Variants in RNGTT observed in about 807,000 individuals in gnomAD.
RNGTT encodes the protein RNA guanylyltransferase and 5'-phosphatase.
A neutral mutation model predicts 79.3 loss-of-function variants in RNGTT; 33 were observed. The ratio of observed to expected loss-of-function variants is 0.42; its 90% CI spans 0.32 to 0.56. RNGTT has a LOEUF of 0.56. RNGTT is among the 20% of genes least tolerant of loss of function. RNGTT has a pLI of 0.17. For synonymous variants in RNGTT, 222 were observed against 235.9 expected (o/e 0.94, Z 0.54); for missense variants, 497 against 739.1 (o/e 0.67, Z 3.80).
intron 4 of RNGTT, among the ~76,000 whole-genome samples, chr6:88,918,717 T>C (rs1784074510): frequency 6.6e-6 from 1 of 152,198 alleles, no homozygotes; most frequent in African/African-American, 2.4e-5. Context: ...AAAAAGTGCT[T>C]CAAAAAAGCC....
At chr6:88,677,992 T>TGGAA (rs1305122913) in intron 14 of RNGTT, 1 of 149,266 alleles carries the variant, frequency 6.7e-6, no homozygotes, top group Non-Finnish European at 1.4e-5. Flanking sequence ...TTTTTTTTTT[T>TGGAA]TTTTTTTTTT....
chr6:88,786,797 C>T (rs1231543255), intron 12 of RNGTT, among the ~76,000 whole-genome samples: 1 of 151,896 alleles, frequency 6.6e-6, no homozygotes, highest in Non-Finnish European at 1.5e-5. Context: ...TGTTTGTGTC[C>T]CTTCCAAAAC....
intron 4 of RNGTT, among the ~76,000 whole-genome samples, chr6:88,921,542 C>T (rs1191595582): frequency 1.3e-5 from 2 of 152,076 alleles, no homozygotes; most frequent in Non-Finnish European, 2.9e-5. Flanking sequence ...ACCCTTAGAA[C>T]CAGATGTTTT....
chr6:88,782,828 C>A (rs866881086), intron 12 of RNGTT, among the ~76,000 whole-genome samples: 1 of 152,116 alleles, frequency 6.6e-6, no homozygotes, highest in African/African-American at 2.4e-5. Context: ...AAATGCAAAT[C>A]AAAACCTCAA....
chr6:88,794,322 G>C (rs1344265185), intron 12 of RNGTT, among the ~76,000 whole-genome samples: 1 of 151,920 alleles, frequency 6.6e-6, no homozygotes, highest in African/African-American at 2.4e-5. Flanking sequence ...TTTTTGAAAG[G>C]AAAAAAGATA....
At chr6:88,739,903 T>G (rs1031530973) in intron 13 of RNGTT, among the ~76,000 whole-genome samples, 1 of 151,526 alleles carries the variant, frequency 6.6e-6, no homozygotes, top group Non-Finnish European at 1.5e-5. Flanking sequence ...ATTTATGGAA[T>G]AGCAGAATTA....
At chr6:88,731,856 A>T (rs1488120547) in intron 13 of RNGTT, among the ~76,000 whole-genome samples, 1 of 152,178 alleles carries the variant, frequency 6.6e-6, no homozygotes, top group Non-Finnish European at 1.5e-5. Flanking sequence ...CCTTACCAAT[A>T]ACATAATCAA....
At chr6:88,788,882 C>T (rs951042415) in intron 12 of RNGTT, among the ~76,000 whole-genome samples, 5 of 152,122 alleles carry the variant, frequency 3.3e-5, no homozygotes, top group Admixed American at 6.6e-5. Context: ...CACAAATATC[C>T]TAAGTTTTAT....
At chr6:88,960,333 T>A (rs1382740132) in intron 1 of RNGTT, among the ~76,000 whole-genome samples, 1 of 152,270 alleles carries the variant, frequency 6.6e-6, no homozygotes, top group African/African-American at 2.4e-5. Flanking sequence ...ACCACAAGTA[T>A]GTGCCAATGC....
intron 14 of RNGTT, among the ~76,000 whole-genome samples, chr6:88,635,678 C>T (rs758323202): frequency 1.3e-5 from 2 of 152,164 alleles, no homozygotes; most frequent in South Asian, 4.1e-4. Context: ...TCTGAAAATG[C>T]TCATAGATTC....
At chr6:88,804,276 T>C (rs1779886794) in intron 11 of RNGTT, among the ~76,000 whole-genome samples, 2 of 152,230 alleles carry the variant, frequency 1.3e-5, no homozygotes, top group Admixed American at 1.3e-4. Context: ...TAAAGTCTTA[T>C]GACTCTCTGA....
At chr6:88,819,415 G>A (rs1414028414) in intron 11 of RNGTT, among the ~76,000 whole-genome samples, 1 of 152,256 alleles carries the variant, frequency 6.6e-6, no homozygotes, top group East Asian at 1.9e-4. Flanking sequence ...GGTGCTGAAA[G>A]AGCTCATGCA....
intron 13 of RNGTT, among the ~76,000 whole-genome samples, chr6:88,698,273 T>TAA (rs1775813891): frequency 8.1e-6 from 1 of 123,452 alleles, no homozygotes; most frequent in African/African-American, 3.4e-5. Context: ...ATATATGATA[T>TAA]ATATATTTCA....
At chr6:88,718,624 A>G (rs77581947) in intron 13 of RNGTT, among the ~76,000 whole-genome samples, 5,922 of 152,146 alleles carry the variant, frequency 0.039, 150 homozygotes, top group Non-Finnish European at 0.061. Flanking sequence ...ACAAAAGAAA[A>G]ATACTTTAAA....
chr6:88,938,427 G>T (rs1281037880), intron 2 of RNGTT, among the ~76,000 whole-genome samples: 1 of 152,144 alleles, frequency 6.6e-6, no homozygotes, highest in Non-Finnish European at 1.5e-5. Flanking sequence ...TGTCTTTACA[G>T]TTGAGATGAG....
chr6:88,908,978 T>C (rs527242367), intron 4 of RNGTT, among the ~76,000 whole-genome samples: 2 of 152,054 alleles, frequency 1.3e-5, no homozygotes, highest in Non-Finnish European at 2.9e-5. Context: ...TGGTCCCACT[T>C]CCCCAGGACT....
At chr6:88,949,166 A>C (rs1427129959) in intron 1 of RNGTT, among the ~76,000 whole-genome samples, 5 of 144,780 alleles carry the variant, frequency 3.5e-5, no homozygotes, top group Non-Finnish European at 7.6e-5. Context: ...AATGAAAAAA[A>C]AAAAAAAAAA....
chr6:88,851,678 T>TGACA (rs1364791320), intron 9 of RNGTT, among the ~76,000 whole-genome samples: 3 of 152,044 alleles, frequency 2.0e-5, no homozygotes, highest in African/African-American at 7.2e-5. Flanking sequence ...TGCTCACATC[T>TGACA]GACAGTCAGA....
chr6:88,852,673 C>G lies in RNGTT; in HGVS notation c.1032+956G>C, dbSNP rs542537750. Among the ~76,000 whole-genome samples, 297 of 152,118 alleles carry G rather than the reference C, an allele frequency of 2.0e-3. 1 individual carries two copies. Among genetic ancestry groups the G allele is most frequent in the Non-Finnish European group, 3.1e-3 (209 of 67,948 alleles). The stretch of plus-strand genomic sequence containing the variant: ...AAAATACAAAAATCAAAATGTCCAA[C>G]AAAAGGGAACTGGTTAAATAAATTA... On this transcript the variant is annotated intron_variant, in intron 9 of 15. Coordinates refer to ENST00000369485, the MANE Select transcript of RNGTT (RefSeq NM_003800.5).
Sources: gnomAD v4.1 joint callset for allele counts (sites outside exome capture counted in the v4.1 genomes callset) on GRCh38, gnomAD v4.1.1 for gene constraint, MANE v1.5 for transcripts, NCBI Gene and HGNC (gene_info 2026-07-23, HGNC 2026-07-21) for gene names.